Variants in OTOF observed in about 807,000 individuals in gnomAD.
OTOF encodes otoferlin.
In OTOF, 218 loss-of-function variants were observed where a neutral mutation model predicts 236.8. The ratio of observed to expected loss-of-function variants is 0.92; its 90% CI spans 0.82 to 1.03. OTOF has a LOEUF of 1.03. OTOF is among the 50% of genes least tolerant of loss of function. The pLI is 0.00. For missense variants in OTOF, 2,590 were observed against 2,694.4 expected, an observed-to-expected ratio of 0.96 and a Z score of 0.86; for synonymous variants, 1,041 against 1,072.5, an observed-to-expected ratio of 0.97 and a Z score of 0.57.
chr2:26,549,492 A>C (rs192025272), intron 1 of OTOF, among the ~76,000 whole-genome samples: 4 of 152,352 alleles, frequency 2.6e-5, no homozygotes, highest in Non-Finnish European at 2.9e-5. Flanking sequence ...GATACTGCAG[A>C]GTCCCTGGGC....
intron 29 of OTOF, among the ~76,000 whole-genome samples, chr2:26,472,861 G>A (rs531555180): frequency 2.6e-5 from 4 of 152,288 alleles, no homozygotes; most frequent in African/African-American, 9.6e-5. Context: ...GGAGGGAGGT[G>A]GCGGGGAGGC....
chr2:26,501,652 C>T, intron 8 of OTOF, 102 bp downstream of exon 8: 2 of 838,392 alleles, frequency 2.4e-6, no homozygotes, highest in African/African-American at 3.3e-5. Flanking sequence ...TTCTCTATGA[C>T]CCCTGGATCC....
At chr2:26,510,593 C>G in intron 5 of OTOF, 1 of 593,174 alleles carries the variant, frequency 1.7e-6, no homozygotes, top group South Asian at 1.7e-5. Flanking sequence ...ACCACGACAG[C>G]CCACTCCTGA....
chr2:26,498,623 A>G (rs940601603), intron 8 of OTOF, among the ~76,000 whole-genome samples: 3 of 152,216 alleles, frequency 2.0e-5, no homozygotes, highest in African/African-American at 4.8e-5. Context: ...CTATTCCACC[A>G]TCTCCTTTCA....
At position 26,474,525 on chromosome 2, in the gene OTOF, G is replaced by C; in HGVS notation, c.3276C>G (p.Phe1092Leu). 6.2e-7 allele frequency: 1 copy of C among 1,609,344 alleles called. No individual in the cohort carries two copies. Among genetic ancestry groups the C allele is most frequent in the Non-Finnish European group, 8.5e-7 (1 of 1,178,220 alleles). ...CCTGCAGTCCCACCTGCAGCAGCTC[G>C]AAGGCCGCCAGCAGGTCTCCAGCTG... is the stretch of plus-strand genomic sequence containing the variant. ...NATAGDLLAAFELLQIGPAGK... is the reference protein window; with the variant it reads ...NATAGDLLAALELLQIGPAGK... The change falls in exon 26 of 47, where the codon TTC becomes TTG. Residue 1092 changes from phenylalanine (F) to leucine (L), a missense_variant. By Grantham distance (22) the Phe-to-Leu change is conservative (BLOSUM62 0). Around this residue, in one of 2 missense-constraint regions of OTOF, gnomAD observed 1,211 missense variants for 1,352.8 expected, o/e 0.90. Coordinates refer to ENST00000272371, the MANE Select transcript of OTOF (RefSeq NM_194248.3).
intron 8 of OTOF, among the ~76,000 whole-genome samples, chr2:26,495,960 C>T (rs6722713): frequency 5.3e-5 from 8 of 152,106 alleles, no homozygotes; most frequent in Non-Finnish European, 8.8e-5. Context: ...GGCTCCCCCC[C>T]CTTTCCACAT....
intron 18 of OTOF, among the ~76,000 whole-genome samples, chr2:26,478,406 G>T (rs765293010): frequency 6.6e-6 from 1 of 152,190 alleles, no homozygotes; most frequent in Non-Finnish European, 1.5e-5. Context: ...TTTTTTGGAG[G>T]TTTTAATTCA....
chr2:26,503,995 T>A, intron 5 of OTOF, 150 bp from the exon 6 acceptor site: 1 of 714,122 alleles, frequency 1.4e-6, no homozygotes, highest in Middle Eastern at 2.4e-4. Context: ...GATCGGGATC[T>A]GTCTTCCCAA....
At chr2:26,529,736 G>C (rs1053281834) in intron 2 of OTOF, among the ~76,000 whole-genome samples, 2 of 152,138 alleles carry the variant, frequency 1.3e-5, no homozygotes, top group African/African-American at 2.4e-5. Flanking sequence ...GGACTGGCAA[G>C]GGAGGACCTG....
intron 10 of OTOF, 144 bp downstream of exon 10, chr2:26,489,534 C>G (rs1665785770): frequency 3.9e-6 from 3 of 760,422 alleles, no homozygotes; most frequent in Non-Finnish European, 7.0e-6. Context: ...CAGAATCCAG[C>G]CTGTCCCTAC....
At chr2:26,494,579 T>G (rs1312788822) in intron 9 of OTOF, among the ~76,000 whole-genome samples, 1 of 137,042 alleles carries the variant, frequency 7.3e-6, no homozygotes, top group African/African-American at 2.8e-5. Context: ...AGTGCCACCA[T>G]GGGTTGGAAT....
intron 2 of OTOF, among the ~76,000 whole-genome samples, chr2:26,530,181 A>C (rs1013667304): frequency 4.6e-5 from 7 of 152,106 alleles, no homozygotes; most frequent in Non-Finnish European, 7.3e-5. Context: ...GAGAAAGATC[A>C]GGAGAAAAAG....
In OTOF at chr2:26,461,951, A is replaced by G. The variant is rs1301357449; in HGVS notation, c.5292-14T>C. 2.6e-5 allele frequency: 42 copies of G among 1,613,656 alleles called. No individual in the cohort carries two copies. The highest frequency in any genetic ancestry group is 3.6e-5 in the Non-Finnish European group (42 of 1,179,964). On this transcript the variant is annotated splice_polypyrimidine_tract_variant and intron_variant, in intron 42 of 46. Coordinates refer to ENST00000272371, the MANE Select transcript of OTOF (RefSeq NM_194248.3). The surrounding 1 kb of genome is among the most constrained non-coding windows in gnomAD (Gnocchi z 6.2). ...CCCTTCAGCCACCTGTGGGCGCCAC[A>G]TCTCCAGACCCGCAGCCAGGCTGGT...
chr2:26,459,668 C>T (rs1029870939), intron 46 of OTOF, among the ~76,000 whole-genome samples: 7 of 152,096 alleles, frequency 4.6e-5, no homozygotes, highest in Non-Finnish European at 8.8e-5. Context: ...GCTTGAGTCC[C>T]GGCTCTACCC....
Position 26,473,213 on chromosome 2 carries a change from CCA to C in OTOF, c.3650_3651del (p.Leu1217ArgfsTer74). 6.2e-7 allele frequency: 1 copy of C among 1,613,258 alleles called. No homozygotes were observed. The highest frequency in any genetic ancestry group is 8.5e-7 in the Non-Finnish European group (1 of 1,180,006). On this transcript the variant is annotated frameshift_variant, in exon 29 of 47. Coordinates refer to ENST00000272371, the MANE Select transcript of OTOF (RefSeq NM_194248.3). LOFTEE classifies it high-confidence loss of function. The surrounding 1 kb of genome is among the most constrained non-coding windows in gnomAD (Gnocchi z 7.2). ...AGGGAGCTGACGGCATGGGAGCCCA[CCA>C]GTGTGTAGCGACCGAAGGCCCGGCA... is the stretch of plus-strand genomic sequence containing the variant. The part of the protein sequence containing the change: ...VDCRAFGRYT[L>X]VGSHAVSSLR...
chr2:26,518,922 C>A lies in OTOF; in HGVS notation c.327+88G>T, dbSNP rs963048659. 13 of 949,590 alleles carry A rather than the reference C, an allele frequency of 1.4e-5. No individual in the cohort carries two copies. In the African/African-American group the frequency reaches 1.9e-4, roughly 14 times the overall value. The allele number at this position is 949,590 out of a possible 1,614,324, so 58.8% of individuals were successfully genotyped here. On this transcript the variant is annotated intron_variant, in intron 4 of 46. Coordinates refer to ENST00000272371, the MANE Select transcript of OTOF (RefSeq NM_194248.3). ...CCTCGCCATGCATGAGAGGCATTCC[C>A]CAGACCACCCCATGTGTGAGGCAGG...
chr2:26,478,754 A>C (rs1025701882), intron 18 of OTOF, among the ~76,000 whole-genome samples: 1 of 152,030 alleles, frequency 6.6e-6, no homozygotes, highest in African/African-American at 2.4e-5. Flanking sequence ...GCTGGAGTGC[A>C]GTGGCGCCAT....
chr2:26,466,150 T>G, intron 36 of OTOF, 74 bp from the exon 37 acceptor site: 2 of 1,590,876 alleles, frequency 1.3e-6, no homozygotes, highest in Non-Finnish European at 1.7e-6. Context: ...CCAGGCTGCC[T>G]GAGGGTCCTA....
intron 29 of OTOF, 138 bp from the exon 30 acceptor site, chr2:26,472,787 G>A (rs1045026846): frequency 9.1e-6 from 8 of 878,640 alleles, no homozygotes; most frequent in Non-Finnish European, 1.1e-5. Context: ...AGTCAAGGGA[G>A]AAAATATGGG....
Sources: gnomAD v4.1 joint callset for allele counts (sites outside exome capture counted in the v4.1 genomes callset) on GRCh38, gnomAD v4.1.1 for gene constraint, gnomAD v4.1.1 regional missense constraint, Gnocchi (gnomAD v3.1) non-coding constraint, MANE v1.5 for transcripts, NCBI Gene and HGNC (gene_info 2026-07-23, HGNC 2026-07-21) for gene names.